NOTCH2: variants seen among roughly 807,000 people sequenced by gnomAD.
NOTCH2 encodes the protein neurogenic locus notch homolog protein 2.
Under a neutral mutation model 235.8 loss-of-function variants are expected in NOTCH2, and 29 were observed. The observed-to-expected ratio is 0.12, with a 90% confidence interval of 0.09 to 0.17. The LOEUF is 0.17. NOTCH2 is among the 10% of genes least tolerant of loss of function. The pLI, the probability that NOTCH2 is intolerant of heterozygous loss-of-function variation, is 1.00. For synonymous variants in NOTCH2, 1,086 were observed against 1,141.5 expected, an observed-to-expected ratio of 0.95 and a Z score of 0.98; for missense variants, 2,285 against 3,150.2, an observed-to-expected ratio of 0.73 and a Z score of 6.57.
chr1:119,913,522 CG>C lies in NOTCH2; in HGVS notation c.*1783del, dbSNP rs1648958593. On this transcript the variant is annotated 3_prime_UTR_variant, in exon 34 of 34. Coordinates refer to ENST00000256646, the MANE Select transcript of NOTCH2 (RefSeq NM_024408.4). ...GTGTCATGGGCATCACAGCACTGGACGGAAGTTGCAGTGTAGCCATGGACCA... is the reference window on the plus strand; with the variant it reads ...GTGTCATGGGCATCACAGCACTGGACGAAGTTGCAGTGTAGCCATGGACCA... 4.3e-6 allele frequency: 1 copy of C among 233,072 alleles called. No homozygotes were observed. The highest frequency in any genetic ancestry group is 5.6e-5 in the Admixed American group (1 of 17,768). 14.4% of individuals were successfully genotyped at this position (233,072 alleles called of 1,614,324 possible).
At chr1:120,010,174 A>G (rs1457661096) in intron 2 of NOTCH2, among the ~76,000 whole-genome samples, 4 of 151,388 alleles carry the variant, frequency 2.6e-5, no homozygotes, top group South Asian at 2.1e-4. Flanking sequence ...CTGAATTCCT[A>G]TAATACTTAT....
rs201643251 is a variant in NOTCH2 at position 120,005,471 on chromosome 1, T to C, written c.273A>G (p.Arg91=). The C allele has an allele frequency of 5.3e-5, 86 of 1,613,602 alleles. No individual in the cohort carries two copies. Among genetic ancestry groups the C allele is most frequent in the Middle Eastern group, 1.6e-4 (1 of 6,078 alleles). Residue 91 remains arginine (R), a synonymous_variant, in exon 3 of 34, where the codon CGA becomes CGG. Coordinates refer to ENST00000256646, the MANE Select transcript of NOTCH2 (RefSeq NM_024408.4). ...AQAMLGKATC[R]CASGFTGEDC... ...CCTCTCCTGTAAACCCTGAGGCACATCGGCACGTGGCTTTCCCCAGCATGG... is the reference window on the plus strand; with the variant it reads ...CCTCTCCTGTAAACCCTGAGGCACACCGGCACGTGGCTTTCCCCAGCATGG...
At position 119,923,861 on chromosome 1, in the gene NOTCH2, A is replaced by G; in HGVS notation, c.4635T>C (p.Gly1545=). ...GCATCAATACCACAATAACCAGGGTACCTTCTGCCAGGTTCTCAGGTTGGT... is the reference window on the plus strand; with the variant it reads ...GCATCAATACCACAATAACCAGGGTGCCTTCTGCCAGGTTCTCAGGTTGGT... The part of the protein sequence containing the change: ...AADQPENLAE[G]TLVIVVLMPP... The change falls in exon 26 of 34, where the codon GGT becomes GGC. Residue 1545 remains glycine (G), a synonymous_variant. Transcript: ENST00000256646. 1.2e-6 allele frequency: 2 copies of G among 1,614,134 alleles called. No homozygotes were observed. The highest frequency in any genetic ancestry group is 2.2e-5 in the South Asian group (2 of 91,086).
At chr1:119,944,149 G>C (rs1384706514) in intron 17 of NOTCH2, among the ~76,000 whole-genome samples, 1 of 151,892 alleles carries the variant, frequency 6.6e-6, no homozygotes, top group African/African-American at 2.4e-5. Context: ...AAAAAATAAT[G>C]GCTAAATATT....
chr1:120,048,609 TG>T (rs1315525319), intron 1 of NOTCH2, among the ~76,000 whole-genome samples: 3 of 147,690 alleles, frequency 2.0e-5, no homozygotes, highest in Non-Finnish European at 3.0e-5. Context: ...CCCCCACTCC[TG>T]GCTAATTTTT....
intron 22 of NOTCH2, among the ~76,000 whole-genome samples, chr1:119,934,845 G>T (rs1034551027): frequency 1.3e-5 from 2 of 152,112 alleles, no homozygotes; most frequent in African/African-American, 4.8e-5. Context: ...CCAAGGGATG[G>T]TTCAAAAGCA....
rs1340789150 is a variant in NOTCH2 at position 119,912,613 on chromosome 1, C to A, written c.*2693G>T. 6.4e-5 allele frequency: 15 copies of A among 232,772 alleles called. No individual in the cohort carries two copies. The highest frequency in any genetic ancestry group is 1.2e-4 in the Non-Finnish European group (14 of 117,972). 14.4% of individuals were successfully genotyped at this position (232,772 alleles called of 1,614,324 possible). A position where few individuals can be genotyped will look rare whatever the true frequency, so the allele number is the denominator to read the frequency against. ...AAAAAAACCTATCCCCAAAGGCAGG[C>A]AGAAGAGGAGTCAAAGAAAGAAAGC... On this transcript the variant is annotated 3_prime_UTR_variant, in exon 34 of 34. Transcript: ENST00000256646.
chr1:119,999,962 A>AGAAG, intron 3 of NOTCH2, among the ~76,000 whole-genome samples: 1 of 130,520 alleles, frequency 7.7e-6, no homozygotes, highest in Admixed American at 7.3e-5. Context: ...AAAGAAAGAA[A>AGAAG]GAAAGAAAGA....
At position 119,966,474 on chromosome 1, in the gene NOTCH2, T is replaced by C. The variant is rs782400695; in HGVS notation, c.1469A>G (p.His490Arg). 4 of 1,612,974 alleles carry C rather than the reference T, an allele frequency of 2.5e-6. No homozygotes were observed. The highest frequency in any genetic ancestry group is 3.3e-4 in the Middle Eastern group (2 of 6,056). The change falls in exon 9 of 34, where the codon CAT becomes CGT. Residue 490 changes from histidine to arginine, a missense_variant. His to Arg is a conservative substitution (Grantham distance 29, BLOSUM62 0). This residue lies in a region of NOTCH2 where 431 missense variants were observed against 757.8 expected (regional missense o/e 0.57). Coordinates refer to ENST00000256646, the MANE Select transcript of NOTCH2 (RefSeq NM_024408.4). ...ACATTCATTTATTTCTAATTCACAATGCACACCTTTGAAACCTAAACAAAA... is the reference window on the plus strand; with the variant it reads ...ACATTCATTTATTTCTAATTCACAACGCACACCTTTGAAACCTAAACAAAA... ...CLCMPGFKGV[H>R]CELEINECQS...
chr1:119,965,568 T>C lies in NOTCH2; in HGVS notation c.1568-2A>G. ...TCTGGCAAACTGGCCCAGTGAAACC[T>C]CAAAAAGGGACAGTGGTAACATGAG... On this transcript the variant is annotated splice_acceptor_variant, in intron 9 of 33. Transcript: ENST00000256646. LOFTEE classifies it high-confidence loss of function. The C allele has an allele frequency of 6.3e-7, 1 of 1,590,900 alleles. No homozygotes were observed. The highest frequency in any genetic ancestry group is 8.6e-7 in the Non-Finnish European group (1 of 1,158,892).
intron 3 of NOTCH2, among the ~76,000 whole-genome samples, chr1:120,000,562 A>AATC (rs1318105627): frequency 6.8e-6 from 1 of 146,354 alleles, no homozygotes; most frequent in Non-Finnish European, 1.5e-5. Flanking sequence ...AGGTGATCAG[A>AATC]ATCTTGCAGA....
chr1:120,010,780 T>A (rs1653159396), intron 2 of NOTCH2, among the ~76,000 whole-genome samples: 1 of 152,320 alleles, frequency 6.6e-6, no homozygotes, highest in South Asian at 2.1e-4. Context: ...CCTTCCTAGG[T>A]ATATACCCGA....
intron 3 of NOTCH2, among the ~76,000 whole-genome samples, chr1:119,999,976 A>AAAGAAAGAAAGGAAGGAAGG (rs1270244149): frequency 4.8e-4 from 27 of 56,632 alleles, no homozygotes; most frequent in East Asian, 9.7e-4. Flanking sequence ...AGAAAGAAAG[A>AAAGAAAGAAAGGAAGGAAGG]AAGGAAGGAA....
At chr1:119,951,696 A>G (rs1209277750) in intron 14 of NOTCH2, among the ~76,000 whole-genome samples, 1 of 152,260 alleles carries the variant, frequency 6.6e-6, no homozygotes, top group East Asian at 1.9e-4. Flanking sequence ...GAGATAGCAC[A>G]GTACCCAAAT....
At chr1:120,068,773 G>T (rs1441585726) in intron 1 of NOTCH2, 1 of 357,530 alleles carries the variant, frequency 2.8e-6, no homozygotes, top group African/African-American at 3.0e-5. Context: ...CTTTCGGTGG[G>T]GTTGGAGTGT....
chr1:119,995,421 T>C (rs1428466670), intron 4 of NOTCH2: 3 of 151,912 alleles, frequency 2.0e-5, no homozygotes, highest in African/African-American at 7.3e-5. Context: ...CCTTCAACAA[T>C]AAATCACACT....
intron 1 of NOTCH2, among the ~76,000 whole-genome samples, chr1:120,068,522 AC>A (rs1253857614): frequency 4.3e-5 from 4 of 92,748 alleles, no homozygotes; most frequent in Admixed American, 1.1e-4. Context: ...CCCGTGCCCC[AC>A]CCCCAGCCAT....
chr1:119,913,769 T>TCTA lies in NOTCH2; in HGVS notation c.*1534_*1536dup, dbSNP rs3839009. 10,076 of 233,148 alleles carry TCTA rather than the reference T, an allele frequency of 0.043. 380 individuals carry two copies. Among genetic ancestry groups the TCTA allele is most frequent in the South Asian group, 0.11 (591 of 5,518 alleles). The allele number at this position is 233,148 out of a possible 1,614,324, so 14.4% of individuals were successfully genotyped here. A position where few individuals can be genotyped will look rare whatever the true frequency, so the allele number is the denominator to read the frequency against. ...GGAAAGGAAAATGTTCTGTTGAGTT[T>TCTA]CTACGTTAGTTGCCAAAGGGAATGT... is the stretch of plus-strand genomic sequence containing the variant. On this transcript the variant is annotated 3_prime_UTR_variant, in exon 34 of 34. Coordinates refer to ENST00000256646, the MANE Select transcript of NOTCH2 (RefSeq NM_024408.4).
intron 3 of NOTCH2, among the ~76,000 whole-genome samples, chr1:120,001,656 C>G (rs1407152392): frequency 6.6e-6 from 1 of 152,080 alleles, no homozygotes; most frequent in African/African-American, 2.4e-5. Flanking sequence ...GTGAAAAGGG[C>G]AGATGTTTGT....
Sources: gnomAD v4.1 joint callset for allele counts (sites outside exome capture counted in the v4.1 genomes callset) on GRCh38, gnomAD v4.1.1 for gene constraint, gnomAD v4.1.1 regional missense constraint, MANE v1.5 for transcripts, NCBI Gene and HGNC (gene_info 2026-07-23, HGNC 2026-07-21) for gene names.